NCBP3: variants seen among roughly 807,000 people sequenced by gnomAD.
The protein encoded by NCBP3 is nuclear cap-binding protein subunit 3.
Under a neutral mutation model 75.7 loss-of-function variants are expected in NCBP3, and 20 were observed. The observed-to-expected ratio is 0.26, with a 90% CI of 0.19 to 0.38. The LOEUF (loss-of-function observed/expected upper bound fraction) is 0.38. NCBP3 is among the 10% of genes least tolerant of loss of function. The pLI, the probability that NCBP3 is intolerant of heterozygous loss-of-function variation, is 1.00. For synonymous variants in NCBP3, 293 were observed against 290.5 expected (o/e 1.01, Z -0.09); for missense variants, 678 against 796.9 (o/e 0.85, Z 1.80).
In NCBP3 at chr17:3,805,769, G is replaced by A. The variant is rs570192329; in HGVS notation, c.*7275C>T. 3.9e-5 allele frequency: 6 copies of A among 152,394 alleles called. No homozygotes were observed. Among genetic ancestry groups the A allele is most frequent in the African/African-American group, 1.4e-4 (6 of 41,578 alleles). 9.4% of individuals were successfully genotyped at this position (152,394 alleles called of 1,614,324 possible). On this transcript the variant is annotated 3_prime_UTR_variant, in exon 13 of 13. Transcript: ENST00000389005. Reference sequence around the variant, plus strand: ...TGATGCTCCCCGGAAAGGAGAGCAAGGATCCTTGAACACGCGTTAGCACTA... The same window carrying A: ...TGATGCTCCCCGGAAAGGAGAGCAAAGATCCTTGAACACGCGTTAGCACTA...
At chr17:3,836,647 C>T (rs1449470081) in intron 3 of NCBP3, among the ~76,000 whole-genome samples, 4 of 125,002 alleles carry the variant, frequency 3.2e-5, no homozygotes, top group African/African-American at 1.2e-4. Flanking sequence ...AGTGAGACTC[C>T]GTCTCTCAAA....
chr17:3,825,075 T>A, intron 6 of NCBP3, 25 bp from the exon 7 acceptor site: 3 of 1,309,362 alleles, frequency 2.3e-6, no homozygotes, highest in Non-Finnish European at 3.1e-6. Context: ...GTATTTTTAA[T>A]ATAAAAATTA....
At chr17:3,829,104 T>C (rs2053834605) in intron 4 of NCBP3, 139 bp downstream of exon 4, 1 of 958,898 alleles carries the variant, frequency 1.0e-6, no homozygotes, top group Admixed American at 2.7e-5. Context: ...TGCTCGACAA[T>C]TTTTTCTCTC....
rs1384179105 is a variant in NCBP3 at position 3,805,343 on chromosome 17, G to A, written c.*7701C>T. On this transcript the variant is annotated 3_prime_UTR_variant, in exon 13 of 13. Transcript: ENST00000389005. ...GGATCTCCACATGACCAGGTGCTGT[G>A]GACTGAACTGTAAATGTCCTCCAAA... The A allele has an allele frequency of 6.6e-6, 1 of 152,140 alleles. No homozygotes were observed. Among genetic ancestry groups the A allele is most frequent in the Non-Finnish European group, 1.5e-5 (1 of 68,046 alleles). 9.4% of individuals were successfully genotyped at this position (152,140 alleles called of 1,614,324 possible). A position where few individuals can be genotyped will look rare whatever the true frequency, so the allele number is the denominator to read the frequency against.
intron 5 of NCBP3, 115 bp downstream of exon 5, chr17:3,825,972 C>T: frequency 7.0e-7 from 1 of 1,431,974 alleles, no homozygotes; most frequent in African/African-American, 1.4e-5. Context: ...TCTCAAGCAT[C>T]ATAGATTAGT....
At position 3,814,404 on chromosome 17, in the gene NCBP3, G is replaced by A. The variant is rs774197585; in HGVS notation, c.1545C>T (p.Pro515=). 3.7e-6 allele frequency: 6 copies of A among 1,614,066 alleles called. No individual in the cohort carries two copies. In the South Asian group the frequency reaches 5.5e-5, roughly 15 times the overall value. ...CTAGCCTACTATGCACATCAGAAGA[G>A]GGCTCTCTCCGAACGACGGGGTTAC... ...FSSNPVVRRE[P]SSDVHSRLGV... Residue 515 remains proline (P), a synonymous_variant, in exon 12 of 13, where the codon CCC becomes CCT. Coordinates refer to ENST00000389005, the MANE Select transcript of NCBP3 (RefSeq NM_001114118.3).
Position 3,825,066 on chromosome 17 carries a change from TATTTTTAATATA to T in NCBP3, c.688-28_688-17del, listed in dbSNP as rs2053759723. 1 of 1,348,636 alleles carries T rather than the reference TATTTTTAATATA, an allele frequency of 7.4e-7. No individual in the cohort carries two copies. The highest frequency in any genetic ancestry group is 1.0e-6 in the Non-Finnish European group (1 of 988,068). 83.5% of individuals were successfully genotyped at this position (1,348,636 alleles called of 1,614,324 possible). A position where few individuals can be genotyped will look rare whatever the true frequency, so the allele number is the denominator to read the frequency against. ...ACGTATCCAACTTAAGAAAGAAGAG[TATTTTTAATATA>T]AAAATTAAAGTCCTTTTGATATTTC... is the stretch of plus-strand genomic sequence containing the variant. On this transcript the variant is annotated splice_polypyrimidine_tract_variant and intron_variant, in intron 6 of 12. Coordinates refer to ENST00000389005, the MANE Select transcript of NCBP3 (RefSeq NM_001114118.3).
At chr17:3,814,150 T>C (rs774157591) in intron 12 of NCBP3, among the ~76,000 whole-genome samples, 172 bp downstream of exon 12, 14 of 152,184 alleles carry the variant, frequency 9.2e-5, no homozygotes, top group Non-Finnish European at 1.6e-4. Context: ...TTCCTAACTG[T>C]TGGGATGATG....
intron 10 of NCBP3, 69 bp from the exon 11 acceptor site, chr17:3,816,339 T>A: frequency 7.3e-7 from 1 of 1,377,936 alleles, no homozygotes; most frequent in Non-Finnish European, 1.0e-6. Flanking sequence ...CAAACAACAA[T>A]CTCATACTTT....
rs982383114 is a variant in NCBP3, at chr17:3,802,674, C to G, written c.*10370G>C. 1 of 152,326 alleles carries G rather than the reference C, an allele frequency of 6.6e-6. No homozygotes were observed. The highest frequency in any genetic ancestry group is 2.4e-5 in the African/African-American group (1 of 41,458). 9.4% of individuals were successfully genotyped at this position (152,326 alleles called of 1,614,324 possible). ...CCTCCTCCCCTCACTTCATTCTGCG[C>G]TCCAAGGGCACTGGGGAGAGTCACA... On this transcript the variant is annotated 3_prime_UTR_variant, in exon 13 of 13. Coordinates refer to ENST00000389005, the MANE Select transcript of NCBP3 (RefSeq NM_001114118.3).
In NCBP3 at chr17:3,812,379, C is replaced by A. The variant is rs190913702; in HGVS notation, c.*665G>T. On this transcript the variant is annotated 3_prime_UTR_variant, in exon 13 of 13. Transcript: ENST00000389005. The stretch of plus-strand genomic sequence containing the variant: ...GTCACAGTTTTTTGTTCCTAAAAAT[C>A]CCACAGCACTGAACTTGATCTTCAC... 17 of 426,334 alleles carry A rather than the reference C, an allele frequency of 4.0e-5. No individual in the cohort carries two copies. Among genetic ancestry groups the A allele is most frequent in the Non-Finnish European group, 2.2e-5 (7 of 318,690 alleles). The allele number at this position is 426,334 out of a possible 1,614,324, so 26.4% of individuals were successfully genotyped here.
rs899961707 is a variant in NCBP3, at chr17:3,839,928, A to G, written c.355+172T>C. Among the ~76,000 whole-genome samples, 4 of 152,202 alleles carry G rather than the reference A, an allele frequency of 2.6e-5. No individual in the cohort carries two copies. The East Asian group carries it at 7.7e-4, about 29-fold the overall frequency. ...TCTAACATCTGAGCCAGCTGACAGC[A>G]TCTGAACTTTAAACAGGTGACCTCA... On this transcript the variant is annotated intron_variant, in intron 3 of 12. Coordinates refer to ENST00000389005, the MANE Select transcript of NCBP3 (RefSeq NM_001114118.3).
chr17:3,835,491 G>C (rs1172802197), intron 3 of NCBP3, among the ~76,000 whole-genome samples: 1 of 152,272 alleles, frequency 6.6e-6, no homozygotes, highest in Non-Finnish European at 1.5e-5. Flanking sequence ...TTGAGCGAAT[G>C]GGCAGCAAGC....
intron 3 of NCBP3, among the ~76,000 whole-genome samples, chr17:3,833,651 A>ATTTTT (rs1242208130): frequency 7.9e-5 from 12 of 151,400 alleles, no homozygotes; most frequent in African/African-American, 2.9e-4. Flanking sequence ...TTTTTTTTAA[A>ATTTTT]AAAAAAGACA....
At chr17:3,834,448 A>C (rs2053940462) in intron 3 of NCBP3, among the ~76,000 whole-genome samples, 1 of 152,228 alleles carries the variant, frequency 6.6e-6, no homozygotes, top group African/African-American at 2.4e-5. Context: ...AATGAAGAAA[A>C]GATTAGAGTC....
chr17:3,826,523 T>C (rs976116811), intron 4 of NCBP3, among the ~76,000 whole-genome samples: 39 of 151,990 alleles, frequency 2.6e-4, no homozygotes, highest in Non-Finnish European at 4.4e-4. Context: ...CCCAGCTACT[T>C]GGGAGGCCGA....
chr17:3,834,377 T>A (rs1459868741), intron 3 of NCBP3, among the ~76,000 whole-genome samples: 1 of 152,234 alleles, frequency 6.6e-6, no homozygotes, highest in Non-Finnish European at 1.5e-5. Context: ...GTGGGCAACT[T>A]TTCTTCCTGT....
At chr17:3,817,649 C>T (rs2053565632) in intron 10 of NCBP3, among the ~76,000 whole-genome samples, 1 of 151,900 alleles carries the variant, frequency 6.6e-6, no homozygotes, top group African/African-American at 2.4e-5. Flanking sequence ...TAAAAACACA[C>T]AAAAAACCCT....
At chr17:3,835,783 A>T (rs1382470821) in intron 3 of NCBP3, among the ~76,000 whole-genome samples, 1 of 152,262 alleles carries the variant, frequency 6.6e-6, no homozygotes, top group Non-Finnish European at 1.5e-5. Flanking sequence ...AATCTTGGGC[A>T]TAAAGAGACT....
Sources: gnomAD v4.1 joint callset for allele counts (sites outside exome capture counted in the v4.1 genomes callset) on GRCh38, gnomAD v4.1.1 for gene constraint, MANE v1.5 for transcripts, NCBI Gene and HGNC (gene_info 2026-07-23, HGNC 2026-07-21) for gene names.